MMP19: variants seen among roughly 807,000 people sequenced by gnomAD.
The protein encoded by MMP19 is matrix metalloproteinase-19.
In MMP19, 47 loss-of-function variants were observed where a neutral mutation model predicts 46.6. That is an observed-to-expected ratio of 1.01 (90% CI 0.80 to 1.29). The LOEUF (loss-of-function observed/expected upper bound fraction) is 1.29, where lower values mean the gene tolerates loss of function less well. MMP19 is among the 50% of genes most tolerant of loss of function. The probability of loss-of-function intolerance (pLI) is 0.00; values close to 1 mark genes in which losing one functional copy is unlikely to be tolerated. For missense variants in MMP19, 589 were observed against 643.5 expected (o/e 0.92, Z 0.92); for synonymous variants, 222 against 248.5 (o/e 0.89, Z 1.00).
In MMP19 at chr12:55,839,783, G is replaced by C. The variant is rs769737762; in HGVS notation, c.521-42C>G. Reference sequence around the variant, plus strand: ...GTGAACAGGAAGGAGGTCAGAGCCCGCTAGGCTAGAGCACACCCTGCCTAT... The same window carrying C: ...GTGAACAGGAAGGAGGTCAGAGCCCCCTAGGCTAGAGCACACCCTGCCTAT... On this transcript the variant is annotated intron_variant, in intron 4 of 8. Transcript: ENST00000322569. 4 of 1,577,906 alleles carry C rather than the reference G, an allele frequency of 2.5e-6. No homozygotes were observed. The East Asian group carries it at 9.4e-5, about 37-fold the overall frequency.
Position 55,836,544 on chromosome 12 carries a change from T to C in MMP19, c.*492A>G. 1 of 154,172 alleles carries C rather than the reference T, an allele frequency of 6.5e-6. No individual in the cohort carries two copies. The highest frequency in any genetic ancestry group is 1.4e-5 in the Non-Finnish European group (1 of 69,218). The allele number at this position is 154,172 out of a possible 1,614,324, so 9.6% of individuals were successfully genotyped here. ...TGCAGTACTGGTCTTAACCTAATGTTGCAAATGGGGAATCTGAGATTCAAC... is the reference window on the plus strand; with the variant it reads ...TGCAGTACTGGTCTTAACCTAATGTCGCAAATGGGGAATCTGAGATTCAAC... On this transcript the variant is annotated 3_prime_UTR_variant, in exon 9 of 9. Coordinates refer to ENST00000322569, the MANE Select transcript of MMP19 (RefSeq NM_002429.6).
At position 55,842,475 on chromosome 12, in the gene MMP19, G is replaced by T. The variant is rs17844788; in HGVS notation, c.88-37C>A. The T allele has an allele frequency of 3.9e-4, 585 of 1,481,508 alleles. 2 individuals are homozygous for T. In the African/African-American group the frequency reaches 7.1e-3, roughly 18 times the overall value. 91.8% of individuals were successfully genotyped at this position (1,481,508 alleles called of 1,614,324 possible). ...GTGGAGGTAAGCAGGTTAAAAGGGG[G>T]TTAGTCTCAGAGTAAAGCTTCTAAG... On this transcript the variant is annotated intron_variant, in intron 1 of 8. Transcript: ENST00000322569.
intron 6 of MMP19, 95 bp downstream of exon 6, chr12:55,838,511 A>C (rs567212360): frequency 3.6e-5 from 58 of 1,610,536 alleles, no homozygotes; most frequent in Non-Finnish European, 4.6e-5. Context: ...TCCATTGCTC[A>C]TGCTGAAGTC....
At chr12:55,840,075 C>A in intron 4 of MMP19, 1 of 263,474 alleles carries the variant, frequency 3.8e-6, no homozygotes, top group Admixed American at 4.9e-5. Flanking sequence ...CCTGTAATCC[C>A]AACACTTTCA....
In MMP19 at chr12:55,839,508, G is replaced by A; in HGVS notation, c.754C>T (p.Gln252Ter). 1 of 1,609,898 alleles carries A rather than the reference G, an allele frequency of 6.2e-7. No individual in the cohort carries two copies. Among genetic ancestry groups the A allele is most frequent in the Non-Finnish European group, 8.5e-7 (1 of 1,176,676 alleles). Residue 252 changes from glutamine (Q) to a stop codon, truncating the protein, a stop_gained, in exon 5 of 9, where the codon CAG becomes TAG. Coordinates refer to ENST00000322569, the MANE Select transcript of MMP19 (RefSeq NM_002429.6). LOFTEE classifies it high-confidence loss of function. ...GGGAGGGACTGACCATAGAGAGCCTGGATCCCTGCCACATCATCTGGGTGC... is the reference window on the plus strand; with the variant it reads ...GGGAGGGACTGACCATAGAGAGCCTAGATCCCTGCCACATCATCTGGGTGC... The part of the protein sequence containing the change: ...KLHPDDVAGI[Q>*]ALYGKKSPVI...
rs1245700382 is a variant in MMP19 at position 55,837,094 on chromosome 12, C to A, written c.1469G>T (p.Gly490Val). The A allele has an allele frequency of 2.5e-6, 4 of 1,609,520 alleles. No homozygotes were observed. The highest frequency in any genetic ancestry group is 1.3e-5 in the African/African-American group (1 of 74,826). ...TPSGGNTTPS[G>V]TGITLDTTLS... The stretch of plus-strand genomic sequence containing the variant: ...AGTGGTATCCAAGGTTATGCCCGTA[C>A]CTGAGGGAGTGGTATTCCCACCTGA... Residue 490 changes from glycine (G) to valine (V), a missense_variant, in exon 9 of 9, where the codon GGT becomes GTT. By Grantham distance (109) the Gly-to-Val change is moderately radical. Transcript: ENST00000322569.
In MMP19 at chr12:55,842,749, G is replaced by A. The variant is rs769129048; in HGVS notation, c.82C>T (p.Pro28Ser). ...GRVLGLAEVA[P>S]VDYLSQYGYL... ...CTCTTTCTTGGGGGACTTACCACAG[G>A]CGCCACCTCTGCAAGCCCCAGGACC... Residue 28 changes from proline (P) to serine (S), a missense_variant, in exon 1 of 9, where the codon CCT becomes TCT. Transcript: ENST00000322569. The A allele has an allele frequency of 2.5e-6, 4 of 1,603,968 alleles. No homozygotes were observed. In the Admixed American group the frequency reaches 5.1e-5, roughly 21 times the overall value.
chr12:55,837,007 T>C lies in MMP19; in HGVS notation c.*29A>G. The stretch of plus-strand genomic sequence containing the variant: ...TGGGTGGTGGAGCCTCAGGGGTTAA[T>C]GTCCAAGATTGTGTCTGTGGGTGAG... On this transcript the variant is annotated 3_prime_UTR_variant, in exon 9 of 9. Transcript: ENST00000322569. 6.6e-7 allele frequency: 1 copy of C among 1,520,202 alleles called. No homozygotes were observed. Among genetic ancestry groups the C allele is most frequent in the South Asian group, 1.3e-5 (1 of 77,274 alleles). 94.2% of individuals were successfully genotyped at this position (1,520,202 alleles called of 1,614,324 possible).
At chr12:55,842,562 CT>C in intron 1 of MMP19, 124 bp from the exon 2 acceptor site, 2 of 913,482 alleles carry the variant, frequency 2.2e-6, no homozygotes, top group Non-Finnish European at 3.6e-6. Context: ...GGAGAAGCAC[CT>C]TAGAGAAGGG....
At chr12:55,841,059 C>G in intron 3 of MMP19, 47 bp downstream of exon 3, 1 of 1,598,820 alleles carries the variant, frequency 6.3e-7, no homozygotes, top group Non-Finnish European at 8.6e-7. Context: ...CACGCCAGAA[C>G]CACATCACCC....
At chr12:55,838,205 CT>C in intron 6 of MMP19, 198 bp from the exon 7 acceptor site, 1 of 638,548 alleles carries the variant, frequency 1.6e-6, no homozygotes, top group Non-Finnish European at 2.6e-6. Context: ...AGCGTTTCAG[CT>C]TTGGTCCACT....
At chr12:55,838,043 A>G (rs771586344) in intron 6 of MMP19, 36 bp from the exon 7 acceptor site, 20 of 1,528,790 alleles carry the variant, frequency 1.3e-5, no homozygotes, top group Non-Finnish European at 1.8e-5. Context: ...TCAAAAAGAC[A>G]GAGGTCAAGT....
At position 55,841,229 on chromosome 12, in the gene MMP19, G is replaced by A. The variant is rs746931057; in HGVS notation, c.181C>T (p.Gln61Ter). ...EDITEALRAF[Q>*]EASELPVSGQ... ...GAGACTGGAAGTTCAGATGCTTCCT[G>A]AAAAGCTCTGAAGGAGGGAGAGGGA... The change falls in exon 3 of 9, where the codon CAG becomes TAG. Residue 61 changes from glutamine to a stop codon, truncating the protein, a stop_gained. Coordinates refer to ENST00000322569, the MANE Select transcript of MMP19 (RefSeq NM_002429.6). LOFTEE classifies it high-confidence loss of function. 1.2e-6 allele frequency: 2 copies of A among 1,612,658 alleles called. No individual in the cohort carries two copies. Among genetic ancestry groups the A allele is most frequent in the South Asian group, 2.2e-5 (2 of 91,082 alleles).
Position 55,840,838 on chromosome 12 carries a change from G to A in MMP19, c.349C>T (p.Pro117Ser), listed in dbSNP as rs1320413341. Residue 117 changes from proline (P) to serine (S), a missense_variant, in exon 4 of 9, where the codon CCC becomes TCC. Physicochemically the swap from Pro to Ser is moderately conservative, Grantham distance 74 (BLOSUM62 -1). Coordinates refer to ENST00000322569, the MANE Select transcript of MMP19 (RefSeq NM_002429.6). ...KHLTFRILNL[P>S]STLPPHTARA... ...GCTGTGTGGGGTGGAAGGGTGGAGG[G>A]CAGGTTCAAGATGCGGAAAGTCAGG... 6.2e-7 allele frequency: 1 copy of A among 1,601,128 alleles called. No homozygotes were observed. The highest frequency in any genetic ancestry group is 2.2e-5 in the East Asian group (1 of 44,474).
intron 6 of MMP19, chr12:55,838,392 G>A (rs2242295): frequency 0.16 from 167,633 of 1,019,316 alleles, 15,200 homozygotes; most frequent in Non-Finnish European, 0.19. Context: ...CCCTTAGAGC[G>A]TGGCAGCCTT....
At chr12:55,841,357 G>A (rs1881682313) in intron 2 of MMP19, 121 bp from the exon 3 acceptor site, 1 of 1,135,968 alleles carries the variant, frequency 8.8e-7, no homozygotes, top group African/African-American at 1.5e-5. Flanking sequence ...AATCCCTGAA[G>A]CTGACAGGGT....
chr12:55,839,295 T>TAAGGAG, intron 5 of MMP19, among the ~76,000 whole-genome samples: 1 of 149,240 alleles, frequency 6.7e-6, no homozygotes, highest in South Asian at 2.1e-4. Flanking sequence ...AGCATGGGTG[T>TAAGGAG]AAGGAGAGAG....
intron 3 of MMP19, 45 bp from the exon 4 acceptor site, chr12:55,840,927 C>T (rs886984061): frequency 7.8e-6 from 12 of 1,539,222 alleles, no homozygotes; most frequent in Non-Finnish European, 9.7e-6. Flanking sequence ...GATCCTTCTG[C>T]CAACCCCAGA....
intron 2 of MMP19, among the ~76,000 whole-genome samples, chr12:55,842,103 T>C (rs1263016097): frequency 5.3e-5 from 8 of 152,224 alleles, no homozygotes; most frequent in African/African-American, 7.2e-5. Flanking sequence ...AATATTAGTA[T>C]TTGAGATATG....
Sources: gnomAD v4.1 joint callset for allele counts (sites outside exome capture counted in the v4.1 genomes callset) on GRCh38, gnomAD v4.1.1 for gene constraint, MANE v1.5 for transcripts, NCBI Gene and HGNC (gene_info 2026-07-23, HGNC 2026-07-21) for gene names.